The following DDHD1 variants were observed in gnomAD, a reference collection of about 807,000 sequenced individuals.
DDHD1 encodes the protein DDHD domain containing 1.
DDHD1 carries 49 observed loss-of-function variants against 96.4 expected under a neutral mutation model. That is an observed-to-expected ratio of 0.51 (90% CI 0.40 to 0.64). DDHD1 has a LOEUF of 0.64. Ranked by LOEUF, DDHD1 falls within the 30% of genes least tolerant of loss-of-function variation. The probability of loss-of-function intolerance (pLI) is 0.00; values close to 1 mark genes in which losing one functional copy is unlikely to be tolerated. For missense variants in DDHD1, 1,106 were observed against 1,161.2 expected, an observed-to-expected ratio of 0.95 and a Z score of 0.69; for synonymous variants, 442 against 446.5, an observed-to-expected ratio of 0.99 and a Z score of 0.13.
intron 1 of DDHD1, among the ~76,000 whole-genome samples, chr14:53,111,845 G>A (rs1385561723): frequency 1.3e-5 from 2 of 152,120 alleles, no homozygotes; most frequent in East Asian, 3.9e-4. Context: ...GTAATATTGT[G>A]GATAATTAAG....
chr14:53,128,050 T>G (rs1022779234), intron 1 of DDHD1, among the ~76,000 whole-genome samples: 1 of 152,116 alleles, frequency 6.6e-6, no homozygotes, highest in Non-Finnish European at 1.5e-5. Context: ...ATCTAATGGT[T>G]TTATAAGGGG....
rs777331339 is a variant in DDHD1 at position 53,152,679 on chromosome 14, G to C, written c.420C>G (p.Pro140=). 1.4e-5 allele frequency: 23 copies of C among 1,612,274 alleles called. No homozygotes were observed. Among genetic ancestry groups the C allele is most frequent in the Non-Finnish European group, 1.8e-5 (21 of 1,179,658 alleles). The part of the protein sequence containing the change: ...SGGGGATGGS[P]GERKRTRLGG... ...CAAGCCGGGTACGTTTCCTTTCCCCGGGGGACCCTCCTGTCGCGCCGCCGC... is the reference window on the plus strand; with the variant it reads ...CAAGCCGGGTACGTTTCCTTTCCCCCGGGGACCCTCCTGTCGCGCCGCCGC... The change falls in exon 1 of 13, where the codon CCC becomes CCG. Residue 140 remains proline, a synonymous_variant. Coordinates refer to ENST00000673822, the MANE Select transcript of DDHD1 (RefSeq NM_001160148.2).
intron 11 of DDHD1, among the ~76,000 whole-genome samples, chr14:53,052,235 AAAG>A (rs1353842271): frequency 1.3e-5 from 2 of 152,058 alleles, no homozygotes; most frequent in Admixed American, 6.6e-5. Flanking sequence ...ATATGTTAGA[AAAG>A]AAGTCTAGAC....
At chr14:53,139,725 A>G (rs1007353029) in intron 1 of DDHD1, among the ~76,000 whole-genome samples, 1 of 152,026 alleles carries the variant, frequency 6.6e-6, no homozygotes, top group South Asian at 2.1e-4. Context: ...ACAAAAAACA[A>G]GGCGTGCCTA....
chr14:53,123,803 TTGTATC>T (rs942277833), intron 1 of DDHD1, among the ~76,000 whole-genome samples: 2 of 152,342 alleles, frequency 1.3e-5, no homozygotes, highest in Admixed American at 1.3e-4. Context: ...GAGATTTTGA[TTGTATC>T]TGTAAAGTTT....
intron 6 of DDHD1, among the ~76,000 whole-genome samples, chr14:53,067,457 CTCT>C (rs1884135424): frequency 6.7e-6 from 1 of 148,758 alleles, no homozygotes; most frequent in Admixed American, 6.7e-5. Flanking sequence ...CATGTCTAGC[CTCT>C]TTTTTTTTTT....
At chr14:53,101,743 C>CTT (rs549336400) in intron 2 of DDHD1, among the ~76,000 whole-genome samples, 152 of 152,152 alleles carry the variant, frequency 1.0e-3, no homozygotes, top group African/African-American at 3.5e-3. Context: ...AATTCAAACA[C>CTT]TTTGAGAAAA....
intron 6 of DDHD1, among the ~76,000 whole-genome samples, chr14:53,067,196 T>C (rs1884102279): frequency 1.3e-5 from 2 of 151,596 alleles, no homozygotes; most frequent in South Asian, 4.2e-4. Context: ...TCTCCCTCTG[T>C]GGCCCAGGCT....
rs144871352 is a variant in DDHD1 at position 53,126,116 on chromosome 14, A to G, written c.839-22260T>C. The stretch of plus-strand genomic sequence containing the variant: ...ATATATCACAAAACACAGTCCTTGC[A>G]TAAGTGATCACTGGTTCCCAACTAG... On this transcript the variant is annotated intron_variant, in intron 1 of 12. Coordinates refer to ENST00000673822, the MANE Select transcript of DDHD1 (RefSeq NM_001160148.2). 6.4e-3 allele frequency among the ~76,000 whole-genome samples: 979 copies of G among 152,336 alleles called. 15 individuals are homozygous for G. Among genetic ancestry groups the G allele is most frequent in the African/African-American group, 0.022 (923 of 41,574 alleles).
rs201057717 is a variant in DDHD1 at position 53,152,647 on chromosome 14, G to T, written c.452C>A (p.Pro151Gln). 2.5e-6 allele frequency: 4 copies of T among 1,613,084 alleles called. No individual in the cohort carries two copies. The highest frequency in any genetic ancestry group is 3.4e-6 in the Non-Finnish European group (4 of 1,179,860). The change falls in exon 1 of 13, where the codon CCG (proline) becomes CAG (glutamine). Residue 151 changes from proline to glutamine, a missense_variant. Physicochemically the swap from Pro to Gln is moderately conservative, Grantham distance 76. Transcript: ENST00000673822. ...TACCTCATAGCGGTGCCGGGCCGCC[G>T]GGCCGCCAAGCCGGGTACGTTTCCT... Reference protein sequence around the residue: ...GERKRTRLGGPAARHRYEVVT... With the variant: ...GERKRTRLGGQAARHRYEVVT...
Position 53,142,883 on chromosome 14 carries a change from A to AT in DDHD1, c.838+9377dup, listed in dbSNP as rs572674958. Among the ~76,000 whole-genome samples, 351 of 152,334 alleles carry AT rather than the reference A, an allele frequency of 2.3e-3. 2 individuals carry two copies. The highest frequency in any genetic ancestry group is 8.4e-3 in the African/African-American group (348 of 41,586). On this transcript the variant is annotated intron_variant, in intron 1 of 12. Coordinates refer to ENST00000673822, the MANE Select transcript of DDHD1 (RefSeq NM_001160148.2). ...GCCCATTTGAGAGTTGATTATCAAG[A>AT]TGGCAGGCCAAGAATATGCCAAGTG...
chr14:53,047,170 A>C (rs1428509257), intron 12 of DDHD1, among the ~76,000 whole-genome samples: 2 of 151,872 alleles, frequency 1.3e-5, no homozygotes, highest in Non-Finnish European at 2.9e-5. Context: ...TGCTAAAGTT[A>C]ATATAAAATA....
In DDHD1 at chr14:53,063,184, C is replaced by G; in HGVS notation, c.1525G>C (p.Glu509Gln). 6.2e-7 allele frequency: 1 copy of G among 1,613,728 alleles called. No homozygotes were observed. Among genetic ancestry groups the G allele is most frequent in the South Asian group, 1.1e-5 (1 of 91,052 alleles). The part of the protein sequence containing the change: ...RDELVKGLQQ[E>Q]LNRLYSLFCS... ...AAAAGGGAATACAATCGATTCAGCTCTTGCTGAAGGCCTTTAACTAGCTGT... is the reference window on the plus strand; with the variant it reads ...AAAAGGGAATACAATCGATTCAGCTGTTGCTGAAGGCCTTTAACTAGCTGT... Residue 509 changes from glutamate (E) to glutamine (Q), a missense_variant, in exon 7 of 13, where the codon GAG becomes CAG. This residue lies in a region of DDHD1 where 650 missense variants were observed against 758.8 expected (regional missense o/e 0.86). Transcript: ENST00000673822.
chr14:53,058,719 A>G, intron 8 of DDHD1, 93 bp from the exon 9 acceptor site: 1 of 1,086,984 alleles, frequency 9.2e-7, no homozygotes, highest in Non-Finnish European at 1.3e-6. Flanking sequence ...CAAAATACAA[A>G]TAATAAAATA....
rs1886806060 is a variant in DDHD1 at position 53,095,395 on chromosome 14, A to C, written c.1013-1951T>G. On this transcript the variant is annotated intron_variant, in intron 2 of 12. Coordinates refer to ENST00000673822, the MANE Select transcript of DDHD1 (RefSeq NM_001160148.2). Reference sequence around the variant, plus strand: ...AAATAACCTCAAGCTAAATATAAAAAGATATAGCTCTGGTCAAGATGTATG... The same window carrying C: ...AAATAACCTCAAGCTAAATATAAAACGATATAGCTCTGGTCAAGATGTATG... 3.3e-5 allele frequency among the ~76,000 whole-genome samples: 5 copies of C among 152,306 alleles called. No individual in the cohort carries two copies. In the South Asian group the frequency reaches 1.0e-3, roughly 32 times the overall value.
rs1881627246 is a variant in DDHD1 at position 53,041,299 on chromosome 14, C to T, written c.*5469G>A. On this transcript the variant is annotated 3_prime_UTR_variant, in exon 13 of 13. Transcript: ENST00000673822. Reference sequence around the variant, plus strand: ...CCATAAGGTAGCAGACAATACTAAGCATGCACCCGCCCTTATACAAACACA... The same window carrying T: ...CCATAAGGTAGCAGACAATACTAAGTATGCACCCGCCCTTATACAAACACA... 1 of 152,098 alleles carries T rather than the reference C, an allele frequency of 6.6e-6. No homozygotes were observed. The highest frequency in any genetic ancestry group is 2.4e-5 in the African/African-American group (1 of 41,410). 9.4% of individuals were successfully genotyped at this position (152,098 alleles called of 1,614,324 possible).
intron 2 of DDHD1, among the ~76,000 whole-genome samples, chr14:53,094,789 A>T (rs906713108): frequency 6.6e-6 from 1 of 151,502 alleles, no homozygotes; most frequent in Non-Finnish European, 1.5e-5. Flanking sequence ...GCCTGCAATG[A>T]GCTATGATCA....
chr14:53,123,615 C>A (rs543459598), intron 1 of DDHD1, among the ~76,000 whole-genome samples: 1 of 152,240 alleles, frequency 6.6e-6, no homozygotes, highest in East Asian at 1.9e-4. Flanking sequence ...ATGGTTAAAT[C>A]TTGAAAACCT....
chr14:53,148,334 G>C (rs1891134437), intron 1 of DDHD1, among the ~76,000 whole-genome samples: 1 of 150,652 alleles, frequency 6.6e-6, no homozygotes, highest in South Asian at 2.1e-4. Flanking sequence ...TTTTTTGAGA[G>C]GGAGTCTTGC....
Sources: allele counts gnomAD v4.1 joint callset (sites outside exome capture counted in the v4.1 genomes callset), GRCh38; gene constraint gnomAD v4.1.1; regional missense constraint gnomAD v4.1.1; transcripts MANE v1.5; gene names NCBI Gene and HGNC (gene_info 2026-07-23, HGNC 2026-07-21).